The following RASSF8 variants were observed in gnomAD, a reference collection of about 807,000 sequenced individuals.
RASSF8 encodes the protein Ras association domain family member 8, also known as ras association domain-containing protein 8.
Under a neutral mutation model 48.5 loss-of-function variants are expected in RASSF8, and 22 were observed. That is an observed-to-expected ratio of 0.45 (90% CI 0.32 to 0.65). The LOEUF (loss-of-function observed/expected upper bound fraction) is 0.65, where lower values mean the gene tolerates loss of function less well. RASSF8 is among the 30% of genes least tolerant of loss of function. The pLI, the probability that RASSF8 is intolerant of heterozygous loss-of-function variation, is 0.03. For synonymous variants in RASSF8, 127 were observed against 171.5 expected (o/e 0.74, Z 2.03); for missense variants, 418 against 489.2 (o/e 0.85, Z 1.37).
chr12:26,001,060 C>G (rs1942245961), intron 2 of RASSF8, among the ~76,000 whole-genome samples: 1 of 141,066 alleles, frequency 7.1e-6, no homozygotes, highest in Non-Finnish European at 1.5e-5. Flanking sequence ...TCACAGCTCA[C>G]TGAAGCCTTG....
intron 2 of RASSF8, among the ~76,000 whole-genome samples, chr12:26,006,596 AGTT>A (rs1942397497): frequency 6.6e-6 from 1 of 152,200 alleles, no homozygotes; most frequent in African/African-American, 2.4e-5. Context: ...ACTTAGGGGT[AGTT>A]GTTTAAACCA....
chr12:26,035,950 T>C (rs1943142050), intron 2 of RASSF8, among the ~76,000 whole-genome samples: 1 of 146,766 alleles, frequency 6.8e-6, no homozygotes, highest in Non-Finnish European at 1.5e-5. Flanking sequence ...TATATTTTTA[T>C]ATATTATATA....
intron 1 of RASSF8, among the ~76,000 whole-genome samples, chr12:25,985,064 A>C (rs972385920): frequency 3.3e-5 from 5 of 152,156 alleles, no homozygotes; most frequent in African/African-American, 1.2e-4. Context: ...ATTCACACGC[A>C]TTCTCATTAT....
chr12:26,001,532 T>C (rs1028688272), intron 2 of RASSF8, among the ~76,000 whole-genome samples: 5 of 152,188 alleles, frequency 3.3e-5, no homozygotes, highest in Non-Finnish European at 1.5e-5. Context: ...ATATTCCTAT[T>C]CTATAAGCTT....
chr12:26,063,748 T>G (rs1288842820), intron 3 of RASSF8, among the ~76,000 whole-genome samples: 1 of 152,192 alleles, frequency 6.6e-6, no homozygotes, highest in Non-Finnish European at 1.5e-5. Flanking sequence ...TTTTTTTTTT[T>G]TAGAAGAAGA....
rs146204306 is a variant in RASSF8, at chr12:26,064,905, C to T, written c.511C>T (p.Arg171Cys). Reference sequence around the variant, plus strand: ...AGCAGATGAGTTGAAGAAGCTAATCCGTCTGCAGACAGAGAAGCTTCAATC... The same window carrying T: ...AGCAGATGAGTTGAAGAAGCTAATCTGTCTGCAGACAGAGAAGCTTCAATC... Reference protein sequence around the residue: ...TTADELKKLIRLQTEKLQSIE... With the variant: ...TTADELKKLICLQTEKLQSIE... The change falls in exon 4 of 6, where the codon CGT becomes TGT. Residue 171 changes from arginine to cysteine, a missense_variant. Coordinates refer to ENST00000689635, the MANE Select transcript of RASSF8 (RefSeq NM_001394098.1). The T allele has an allele frequency of 3.2e-5, 51 of 1,614,036 alleles. No homozygotes were observed. In the African/African-American group the frequency reaches 4.9e-4, roughly 16 times the overall value.
rs1212078162 is a variant in RASSF8, at chr12:26,071,635, G to GT, written c.*2823dup. 7 of 984,930 alleles carry GT rather than the reference G, an allele frequency of 7.1e-6. No homozygotes were observed. The highest frequency in any genetic ancestry group is 1.7e-5 in the African/African-American group (1 of 57,156). The allele number at this position is 984,930 out of a possible 1,614,324, so 61.0% of individuals were successfully genotyped here. A position where few individuals can be genotyped will look rare whatever the true frequency, so the allele number is the denominator to read the frequency against. On this transcript the variant is annotated 3_prime_UTR_variant, in exon 6 of 6. Transcript: ENST00000689635. ...AGATATTTTGGTTTGATAACATTTTGTTTTTTGTCTTGATGCACAGGGACT... is the reference window on the plus strand; with the variant it reads ...AGATATTTTGGTTTGATAACATTTTGTTTTTTTGTCTTGATGCACAGGGACT...
In RASSF8 at chr12:26,065,017, G is replaced by A. The variant is rs117015558; in HGVS notation, c.623G>A (p.Arg208His). Residue 208 changes from arginine (R) to histidine (H), a missense_variant, in exon 4 of 6, where the codon CGT becomes CAT. Coordinates refer to ENST00000689635, the MANE Select transcript of RASSF8 (RefSeq NM_001394098.1). ...TCCAACCTTGAAGAGGAAATTGTCC[G>A]TCTAGAGCAAAAGATCAAAAGAAAC... The part of the protein sequence containing the change: ...YNSNLEEEIV[R>H]LEQKIKRNDV... 2,140 of 1,613,350 alleles carry A rather than the reference G, an allele frequency of 1.3e-3. 8 individuals carry two copies. The highest frequency in any genetic ancestry group is 4.9e-3 in the Middle Eastern group (30 of 6,062).
Position 26,072,021 on chromosome 12 carries a change from A to G in RASSF8, c.*3203A>G. ...AAACATCTTCCAAGATAGAACTGTAATGGATTGAGGAAATAACACAGAAAA... is the reference window on the plus strand; with the variant it reads ...AAACATCTTCCAAGATAGAACTGTAGTGGATTGAGGAAATAACACAGAAAA... On this transcript the variant is annotated 3_prime_UTR_variant, in exon 6 of 6. Coordinates refer to ENST00000689635, the MANE Select transcript of RASSF8 (RefSeq NM_001394098.1). The G allele has an allele frequency of 1.0e-6, 1 of 985,372 alleles. No homozygotes were observed. The highest frequency in any genetic ancestry group is 5.2e-4 in the Middle Eastern group (1 of 1,914). The allele number at this position is 985,372 out of a possible 1,614,324, so 61.0% of individuals were successfully genotyped here.
chr12:26,043,815 A>G (rs1325288522), intron 2 of RASSF8, among the ~76,000 whole-genome samples: 1 of 152,188 alleles, frequency 6.6e-6, no homozygotes, highest in Non-Finnish European at 1.5e-5. Flanking sequence ...CGCCAAAGAA[A>G]CCAGACAACA....
At chr12:25,985,957 A>G (rs1941863855) in intron 1 of RASSF8, among the ~76,000 whole-genome samples, 1 of 152,240 alleles carries the variant, frequency 6.6e-6, no homozygotes, top group African/African-American at 2.4e-5. Context: ...ATTTCATGAG[A>G]TTGTTAAGAT....
chr12:26,000,416 A>T (rs1190744072), intron 2 of RASSF8, among the ~76,000 whole-genome samples: 1 of 152,216 alleles, frequency 6.6e-6, no homozygotes, highest in Admixed American at 6.5e-5. Flanking sequence ...AATTTTGCTT[A>T]TATCATGTAC....
At chr12:26,077,131 GT>G (rs1944079877), downstream of RASSF8, among the ~76,000 whole-genome samples, 1 of 152,170 alleles carries the variant, frequency 6.6e-6, no homozygotes, top group Non-Finnish European at 1.5e-5. Context: ...TTGTAAATTT[GT>G]TTGAGTTCTT....
chr12:25,994,299 A>T (rs945204971), intron 1 of RASSF8, among the ~76,000 whole-genome samples: 3 of 151,872 alleles, frequency 2.0e-5, no homozygotes, highest in Non-Finnish European at 4.4e-5. Flanking sequence ...AAAATGGTTG[A>T]TGGAAGCTGG....
At position 26,069,691 on chromosome 12, in the gene RASSF8, A is replaced by G. The variant is rs1190202762; in HGVS notation, c.*873A>G. The stretch of plus-strand genomic sequence containing the variant: ...AATTAATCTAACATGGAAGTTATAG[A>G]TACCTGAAAGCTGGGTTGGTCTACT... On this transcript the variant is annotated 3_prime_UTR_variant, in exon 6 of 6. Transcript: ENST00000689635. 3 of 985,312 alleles carry G rather than the reference A, an allele frequency of 3.0e-6. No homozygotes were observed. The highest frequency in any genetic ancestry group is 1.7e-5 in the African/African-American group (1 of 57,238). 61.0% of individuals were successfully genotyped at this position (985,312 alleles called of 1,614,324 possible). A position where few individuals can be genotyped will look rare whatever the true frequency, so the allele number is the denominator to read the frequency against.
At chr12:26,058,594 T>C (rs1943669306) in intron 3 of RASSF8, among the ~76,000 whole-genome samples, 1 of 152,172 alleles carries the variant, frequency 6.6e-6, no homozygotes, top group African/African-American at 2.4e-5. Context: ...TTACAGGTTT[T>C]TTTCTGGATA....
chr12:26,077,088 C>G (rs191189336), downstream of RASSF8, among the ~76,000 whole-genome samples: 221 of 152,262 alleles, frequency 1.5e-3, no homozygotes, highest in African/African-American at 5.1e-3. Flanking sequence ...TGCTCATATC[C>G]TTTGCCCACT....
downstream of RASSF8, among the ~76,000 whole-genome samples, chr12:26,077,844 A>G (rs1309760261): frequency 6.6e-6 from 1 of 152,234 alleles, no homozygotes; most frequent in African/African-American, 2.4e-5. Context: ...GAAATCTTCC[A>G]TAACTTGTAT....
chr12:26,018,608 G>A (rs1359968848), intron 2 of RASSF8, among the ~76,000 whole-genome samples: 1 of 152,160 alleles, frequency 6.6e-6, no homozygotes, highest in Non-Finnish European at 1.5e-5. Context: ...TTACATAGTT[G>A]CGAGAACCAG....
Sources: gnomAD v4.1 joint callset for allele counts (sites outside exome capture counted in the v4.1 genomes callset) on GRCh38, gnomAD v4.1.1 for gene constraint, MANE v1.5 for transcripts, NCBI Gene and HGNC (gene_info 2026-07-23, HGNC 2026-07-21) for gene names.